Variants in DLGAP2 observed in about 807,000 individuals in gnomAD.
The protein encoded by DLGAP2 is DLG associated protein 2, also known as disks large-associated protein 2.
Under a neutral mutation model 100.3 loss-of-function variants are expected in DLGAP2, and 26 were observed. The observed-to-expected ratio is 0.26, with a 90% CI of 0.19 to 0.36. DLGAP2 has a LOEUF of 0.36. DLGAP2 is among the 10% of genes least tolerant of loss of function. DLGAP2 has a pLI of 1.00. For synonymous variants in DLGAP2, 886 were observed against 630.1 expected (o/e 1.41, Z -6.08); for missense variants, 1,858 against 1,453.2 (o/e 1.28, Z -4.53).
chr8:1,676,691 T>C, intron 11 of DLGAP2, 73 bp downstream of exon 11: 1 of 1,453,624 alleles, frequency 6.9e-7, no homozygotes, highest in Non-Finnish European at 9.5e-7. Context: ...TGGAAGCTCC[T>C]AGATCCTGCC....
chr8:1,177,958 T>C (rs1797298274), intron 2 of DLGAP2, among the ~76,000 whole-genome samples: 1 of 152,230 alleles, frequency 6.6e-6, no homozygotes, highest in Non-Finnish European at 1.5e-5. Flanking sequence ...GCCTCAGTGA[T>C]CGACATCTCC....
chr8:1,592,563 C>T (rs189723753), intron 6 of DLGAP2, among the ~76,000 whole-genome samples: 161 of 152,168 alleles, frequency 1.1e-3, no homozygotes, highest in Non-Finnish European at 1.4e-3. Flanking sequence ...CTAGTCCAGC[C>T]GAGGGGGTTC....
intron 2 of DLGAP2, among the ~76,000 whole-genome samples, chr8:1,050,794 A>G (rs936201426): frequency 5.3e-5 from 8 of 152,158 alleles, no homozygotes; most frequent in Non-Finnish European, 8.8e-5. Context: ...AGAAACCTTG[A>G]GTCAGGAGGT....
At chr8:1,585,843 G>C (rs1362619424) in intron 6 of DLGAP2, among the ~76,000 whole-genome samples, 1 of 152,168 alleles carries the variant, frequency 6.6e-6, no homozygotes, top group East Asian at 1.9e-4. Flanking sequence ...ACACGTAATT[G>C]TGTGAAGTGG....
At chr8:809,155 T>A (rs111408403) in intron 1 of DLGAP2, among the ~76,000 whole-genome samples, 1 of 152,184 alleles carries the variant, frequency 6.6e-6, no homozygotes, top group African/African-American at 2.4e-5. Flanking sequence ...TCTGCCTGCC[T>A]TGGCCTCCCA....
chr8:1,363,850 G>C (rs1024688472), intron 3 of DLGAP2, among the ~76,000 whole-genome samples: 4 of 152,048 alleles, frequency 2.6e-5, no homozygotes, highest in African/African-American at 9.7e-5. Context: ...CCTGGCCTTG[G>C]CCTGCCACGT....
intron 1 of DLGAP2, among the ~76,000 whole-genome samples, chr8:888,011 C>T (rs1242887086): frequency 6.6e-6 from 1 of 152,170 alleles, no homozygotes; most frequent in African/African-American, 2.4e-5. Flanking sequence ...TTCTGGTACT[C>T]CAATCAATCG....
intron 6 of DLGAP2, among the ~76,000 whole-genome samples, chr8:1,588,003 A>G (rs1361504794): frequency 6.6e-6 from 1 of 152,164 alleles, no homozygotes; most frequent in Non-Finnish European, 1.5e-5. Context: ...CCCCATAACC[A>G]AGGGCCTTAC....
At chr8:818,494 A>G (rs1738453994) in intron 1 of DLGAP2, among the ~76,000 whole-genome samples, 1 of 152,212 alleles carries the variant, frequency 6.6e-6, no homozygotes, top group African/African-American at 2.4e-5. Flanking sequence ...GGGAGCCTGC[A>G]GCACTGATCT....
intron 6 of DLGAP2, among the ~76,000 whole-genome samples, chr8:1,606,723 C>A (rs565697245): frequency 1.3e-5 from 2 of 152,162 alleles, no homozygotes; most frequent in Non-Finnish European, 2.9e-5. Flanking sequence ...CACTCTGTTG[C>A]CCAGGCTGGA....
intron 2 of DLGAP2, among the ~76,000 whole-genome samples, chr8:948,351 G>A (rs1056707408): frequency 6.6e-6 from 1 of 152,216 alleles, no homozygotes; most frequent in Admixed American, 6.5e-5. Flanking sequence ...GCAGAGGAAG[G>A]AAGAAAGAGG....
At chr8:1,614,042 T>C (rs1176184015) in intron 6 of DLGAP2, among the ~76,000 whole-genome samples, 1 of 152,134 alleles carries the variant, frequency 6.6e-6, no homozygotes, top group African/African-American at 2.4e-5. Context: ...AAAATGGGCC[T>C]CAGGAGGCCT....
At chr8:1,601,637 T>C (rs930994184) in intron 6 of DLGAP2, among the ~76,000 whole-genome samples, 3 of 152,152 alleles carry the variant, frequency 2.0e-5, no homozygotes, top group African/African-American at 7.2e-5. Flanking sequence ...CCGTGACAGA[T>C]GTTTGTCACA....
chr8:798,506 C>G (rs6559183), intron 1 of DLGAP2, among the ~76,000 whole-genome samples: 1 of 90,462 alleles, frequency 1.1e-5, no homozygotes, highest in Non-Finnish European at 2.3e-5. Context: ...TGAAAGCAAA[C>G]GCTTGTTGCG....
At chr8:1,623,516 A>G (rs1373597523) in intron 6 of DLGAP2, among the ~76,000 whole-genome samples, 12 of 139,864 alleles carry the variant, frequency 8.6e-5, no homozygotes, top group African/African-American at 3.0e-4. Context: ...TGATGACCTG[A>G]CACCAGTGCG....
intron 3 of DLGAP2, among the ~76,000 whole-genome samples, chr8:1,316,750 A>G (rs1800762103): frequency 6.9e-6 from 1 of 144,256 alleles, no homozygotes; most frequent in Non-Finnish European, 1.5e-5. Context: ...CAGCTTTAAA[A>G]ATAGAGCGTG....
At chr8:742,375 G>A (rs191387224) in intron 1 of DLGAP2, among the ~76,000 whole-genome samples, 145 of 152,314 alleles carry the variant, frequency 9.5e-4, no homozygotes, top group Non-Finnish European at 1.9e-3. Flanking sequence ...TCTTTAAAAT[G>A]TTTCATACTC....
At chr8:822,914 C>T (rs958744659) in intron 1 of DLGAP2, among the ~76,000 whole-genome samples, 6 of 152,188 alleles carry the variant, frequency 3.9e-5, no homozygotes, top group Non-Finnish European at 5.9e-5. Flanking sequence ...AGGGTTTTGT[C>T]AGTTTACCTG....
At chr8:855,293 G>C (rs139354649) in intron 1 of DLGAP2, among the ~76,000 whole-genome samples, 1 of 152,060 alleles carries the variant, frequency 6.6e-6, no homozygotes, top group African/African-American at 2.4e-5. Flanking sequence ...CAGCATGAAT[G>C]CCTCTGTTTT....
Sources: allele counts gnomAD v4.1 joint callset (sites outside exome capture counted in the v4.1 genomes callset), GRCh38; gene constraint gnomAD v4.1.1; transcripts MANE v1.5; gene names NCBI Gene and HGNC (gene_info 2026-07-23, HGNC 2026-07-21).